Variants in STK3 observed in about 807,000 individuals in gnomAD.
The protein encoded by STK3 is serine/threonine-protein kinase 3.
STK3 carries 41 observed loss-of-function variants against 58.0 expected under a neutral mutation model. The ratio of observed to expected loss-of-function variants is 0.71; its 90% confidence interval spans 0.55 to 0.92. The LOEUF (loss-of-function observed/expected upper bound fraction) is 0.92, where lower values mean the gene tolerates loss of function less well. Among genes scored for constraint, STK3 ranks in the 40% least tolerant of loss-of-function variants. The pLI, the probability that STK3 is intolerant of heterozygous loss-of-function variation, is 0.00. For synonymous variants in STK3, 170 were observed against 191.0 expected (o/e 0.89, Z 0.91); for missense variants, 479 against 602.7 (o/e 0.79, Z 2.15).
chr8:98,370,720 A>T (rs1297450835), downstream of STK3, among the ~76,000 whole-genome samples: 2 of 152,176 alleles, frequency 1.3e-5, no homozygotes, highest in African/African-American at 2.4e-5. Context: ...TTCCCTTTGC[A>T]TAAGGTTCAG....
chr8:98,344,028 A>G, the STK3 span, among the ~76,000 whole-genome samples: 1 of 152,206 alleles, frequency 6.6e-6, no homozygotes. Context: ...AGGATTATAC[A>G]CAGGATTCCC....
chr8:98,743,218 T>C (rs1829361412), intron 4 of STK3, among the ~76,000 whole-genome samples: 1 of 150,588 alleles, frequency 6.6e-6, no homozygotes, highest in Non-Finnish European at 1.5e-5. Context: ...TTCACAGAAT[T>C]GGACAAAAGT....
At chr8:98,737,304 G>C (rs993194429) in intron 4 of STK3, among the ~76,000 whole-genome samples, 1 of 152,098 alleles carries the variant, frequency 6.6e-6, no homozygotes, top group Admixed American at 6.6e-5. Flanking sequence ...AAGCAAATGA[G>C]TAAACCAGTA....
chr8:98,595,041 A>G (rs1815683484), intron 7 of STK3: 1 of 152,204 alleles, frequency 6.6e-6, no homozygotes, highest in Admixed American at 6.5e-5. Context: ...TACAATTTCA[A>G]TGTTCTACGA....
At chr8:98,833,958 C>T (rs1159631891) in intron 3 of STK3, among the ~76,000 whole-genome samples, 3 of 151,796 alleles carry the variant, frequency 2.0e-5, no homozygotes, top group Admixed American at 1.3e-4. Flanking sequence ...CAAAGAGAAC[C>T]ATGCAGAGAA....
intron 8 of STK3, among the ~76,000 whole-genome samples, chr8:98,559,658 G>A (rs1811861073): frequency 6.6e-6 from 1 of 152,074 alleles, no homozygotes; most frequent in African/African-American, 2.4e-5. Context: ...TACACAAAAT[G>A]ACTTAAATGA....
chr8:98,638,367 T>A (rs1252479399), intron 6 of STK3: 1 of 152,210 alleles, frequency 6.6e-6, no homozygotes, highest in Non-Finnish European at 1.5e-5. Context: ...AATATTATGT[T>A]CCTGCAAGTG....
rs543591781 is a variant in STK3, at chr8:98,609,194, T to C, written c.685-13025A>G. 7.9e-5 allele frequency among the ~76,000 whole-genome samples: 12 copies of C among 152,364 alleles called. 1 individual carries two copies. The highest frequency in any genetic ancestry group is 2.6e-4 in the African/African-American group (11 of 41,594). The stretch of plus-strand genomic sequence containing the variant: ...GCCAATAACAAAGCATATTAAGTTA[T>C]ATATTTCAGAATAACGGAATAAGAG... On this transcript the variant is annotated intron_variant, in intron 6 of 10. Transcript: ENST00000419617.
At chr8:98,652,280 C>T (rs1215863323) in intron 6 of STK3, among the ~76,000 whole-genome samples, 1 of 152,014 alleles carries the variant, frequency 6.6e-6, no homozygotes, top group African/African-American at 2.4e-5. Flanking sequence ...AAAGCAAATG[C>T]TGAGAGATTT....
chr8:98,833,811 G>C (rs959674233), intron 3 of STK3, among the ~76,000 whole-genome samples: 1 of 152,178 alleles, frequency 6.6e-6, no homozygotes, highest in East Asian at 1.9e-4. Flanking sequence ...AGGGGGGTTA[G>C]ATTTTATTTT....
At chr8:98,456,648 A>G (rs575357932) in intron 10 of STK3, among the ~76,000 whole-genome samples, 1 of 152,012 alleles carries the variant, frequency 6.6e-6, no homozygotes, top group Non-Finnish European at 1.5e-5. Context: ...ATTTTTTTTG[A>G]CACAAGGTCT....
At chr8:98,371,093 A>G (rs1395371723), downstream of STK3, among the ~76,000 whole-genome samples, 1 of 152,190 alleles carries the variant, frequency 6.6e-6, no homozygotes, top group Non-Finnish European at 1.5e-5. Flanking sequence ...ACAGAAAAGA[A>G]ACAAAACTTA....
At chr8:98,733,896 T>C (rs1437870011) in intron 4 of STK3, among the ~76,000 whole-genome samples, 1 of 152,170 alleles carries the variant, frequency 6.6e-6, no homozygotes, top group East Asian at 1.9e-4. Context: ...TATAAAGAAC[T>C]ACCTGAGACT....
chr8:98,398,418 G>A (rs1312094872), downstream of STK3, among the ~76,000 whole-genome samples: 1 of 152,156 alleles, frequency 6.6e-6, no homozygotes, highest in East Asian at 1.9e-4. Flanking sequence ...CCTCAGTCCC[G>A]AGCAAACTGG....
intron 4 of STK3, among the ~76,000 whole-genome samples, chr8:98,716,678 T>C (rs1373813212): frequency 6.6e-6 from 1 of 152,072 alleles, no homozygotes; most frequent in Non-Finnish European, 1.5e-5. Flanking sequence ...GAAAAACTTA[T>C]CCTAAAATTT....
chr8:98,896,597 G>A (rs930959504), intron 1 of STK3, among the ~76,000 whole-genome samples: 5 of 152,254 alleles, frequency 3.3e-5, no homozygotes, highest in Admixed American at 2.0e-4. Flanking sequence ...TCTGTTATCT[G>A]CCCACATTCT....
chr8:98,450,637 A>T (rs1819156810), downstream of STK3, among the ~76,000 whole-genome samples: 1 of 152,234 alleles, frequency 6.6e-6, no homozygotes, highest in South Asian at 2.1e-4. Flanking sequence ...ATTTACAACA[A>T]AACATAGATT....
chr8:98,581,465 G>A (rs994857908), intron 7 of STK3, among the ~76,000 whole-genome samples: 1 of 151,982 alleles, frequency 6.6e-6, no homozygotes, highest in African/African-American at 2.4e-5. Context: ...GCCTTAGCAT[G>A]ACAGCCTTCT....
At chr8:98,405,647 C>A (rs1817986529) in intron 3 of STK3, among the ~76,000 whole-genome samples, 1 of 152,090 alleles carries the variant, frequency 6.6e-6, no homozygotes, top group South Asian at 2.1e-4. Flanking sequence ...TGTATTAGTC[C>A]ATTTTCATGC....
Sources: allele counts gnomAD v4.1 joint callset (sites outside exome capture counted in the v4.1 genomes callset), GRCh38; gene constraint gnomAD v4.1.1; transcripts MANE v1.5; gene names NCBI Gene and HGNC (gene_info 2026-07-23, HGNC 2026-07-21).